The following XXYLT1 variants were observed in gnomAD, a reference collection of about 807,000 sequenced individuals.
XXYLT1 encodes UDP-xylose:alpha-xyloside alpha-1,3-xylosyltransferase.
XXYLT1 carries 20 observed loss-of-function variants against 28.9 expected under a neutral mutation model. That is an observed-to-expected ratio of 0.69 (90% CI 0.49 to 1.00). XXYLT1 has a LOEUF of 1.00. XXYLT1 is among the 50% of genes least tolerant of loss of function. The probability of loss-of-function intolerance (pLI) is 0.00; values close to 1 mark genes in which losing one functional copy is unlikely to be tolerated. For synonymous variants in XXYLT1, 257 were observed against 253.8 expected, an observed-to-expected ratio of 1.01 and a Z score of -0.12; for missense variants, 542 against 560.1, an observed-to-expected ratio of 0.97 and a Z score of 0.33.
rs991970504 is a variant in XXYLT1, at chr3:195,129,541, G to A, written c.785+26908C>T. On this transcript the variant is annotated intron_variant, in intron 3 of 3. Transcript: ENST00000310380. The surrounding 1 kb of genome is among the most constrained non-coding windows in gnomAD (Gnocchi z 4.4). ...CGTCTTAATGCTTTCAAGGTGCATC[G>A]TGCTGCGGCATGTATCAATTCTTCA... is the stretch of plus-strand genomic sequence containing the variant. Among the ~76,000 whole-genome samples, 1 of 152,102 alleles carries A rather than the reference G, an allele frequency of 6.6e-6. No individual in the cohort carries two copies. Among genetic ancestry groups the A allele is most frequent in the African/African-American group, 2.4e-5 (1 of 41,394 alleles).
At chr3:195,242,890 G>A (rs952760042) in intron 1 of XXYLT1, among the ~76,000 whole-genome samples, 3 of 152,108 alleles carry the variant, frequency 2.0e-5, no homozygotes, top group Admixed American at 6.6e-5. Flanking sequence ...GCTGGCATTC[G>A]CATATCAAAG....
intron 3 of XXYLT1, among the ~76,000 whole-genome samples, chr3:195,135,271 A>G (rs748224967): frequency 1.3e-5 from 2 of 152,176 alleles, no homozygotes; most frequent in Non-Finnish European, 2.9e-5. Flanking sequence ...AACAGAATCT[A>G]TAATGGTCTG....
At chr3:195,154,521 G>A (rs981207101) in intron 3 of XXYLT1, among the ~76,000 whole-genome samples, 3 of 152,138 alleles carry the variant, frequency 2.0e-5, no homozygotes, top group African/African-American at 4.8e-5. Context: ...GGTCTCTCTC[G>A]CAACAGAAAC....
intron 3 of XXYLT1, among the ~76,000 whole-genome samples, chr3:195,142,686 G>T (rs922845260): frequency 1.3e-5 from 2 of 152,248 alleles, no homozygotes; most frequent in African/African-American, 4.8e-5. Flanking sequence ...GCCCTCAATG[G>T]CACCGCCGAG....
At chr3:195,088,176 G>A (rs983658024) in intron 3 of XXYLT1, among the ~76,000 whole-genome samples, 9 of 151,774 alleles carry the variant, frequency 5.9e-5, no homozygotes, top group East Asian at 5.9e-4. Flanking sequence ...ACTGGGTGGA[G>A]CCCACCACAG....
At chr3:195,264,523 C>T (rs992469353) in intron 1 of XXYLT1, among the ~76,000 whole-genome samples, 1 of 144,154 alleles carries the variant, frequency 6.9e-6, no homozygotes, top group Non-Finnish European at 1.5e-5. Flanking sequence ...GACAACCACA[C>T]ACTTGCTATC....
At chr3:195,242,162 G>T (rs1334104054) in intron 1 of XXYLT1, among the ~76,000 whole-genome samples, 1 of 152,192 alleles carries the variant, frequency 6.6e-6, no homozygotes, top group South Asian at 2.1e-4. Flanking sequence ...GACACAGAAT[G>T]TTGCCCCGTG....
At chr3:195,231,733 C>T (rs541156999) in intron 1 of XXYLT1, among the ~76,000 whole-genome samples, 5 of 151,460 alleles carry the variant, frequency 3.3e-5, no homozygotes, top group African/African-American at 4.9e-5. Flanking sequence ...GGATAAATTC[C>T]ACTTGGTCAT....
intron 1 of XXYLT1, among the ~76,000 whole-genome samples, chr3:195,234,352 C>G (rs1362029050): frequency 1.7e-5 from 2 of 116,418 alleles, no homozygotes; most frequent in Non-Finnish European, 3.3e-5. Context: ...GAGTCTCACT[C>G]TGTCGCCCAG....
intron 2 of XXYLT1, among the ~76,000 whole-genome samples, chr3:195,218,704 T>C (rs1445082412): frequency 6.6e-6 from 1 of 151,028 alleles, no homozygotes; most frequent in African/African-American, 2.4e-5. Flanking sequence ...GGAACACTTT[T>C]ACACTGTTGG....
At chr3:195,156,366 C>T (rs1328119882) in intron 3 of XXYLT1, 83 bp downstream of exon 3, 5 of 1,559,146 alleles carry the variant, frequency 3.2e-6, no homozygotes, top group Non-Finnish European at 4.3e-6. Flanking sequence ...CCACTAAATC[C>T]CAATCTGTCA....
chr3:195,088,154 CG>C (rs371933614), intron 3 of XXYLT1, among the ~76,000 whole-genome samples: 21,180 of 151,270 alleles, frequency 0.14, 1,693 homozygotes, highest in Admixed American at 0.26. Flanking sequence ...ACAAAGCAGC[CG>C]GGAAGCTCGA....
Position 195,221,681 on chromosome 3 carries a change from G to A in XXYLT1, c.652+5028C>T, listed in dbSNP as rs926070419. On this transcript the variant is annotated intron_variant, in intron 2 of 3. Transcript: ENST00000310380. ...GCCTCAGGCCATGTGACCCAGGAGG[G>A]GGAAGCTGGCAGTCCTGGAGGAGTT... 7.9e-5 allele frequency among the ~76,000 whole-genome samples: 12 copies of A among 152,346 alleles called. No individual in the cohort carries two copies. The East Asian group carries it at 2.1e-3, about 27-fold the overall frequency.
intron 2 of XXYLT1, among the ~76,000 whole-genome samples, chr3:195,194,240 TTA>T (rs980215396): frequency 7.3e-5 from 11 of 150,596 alleles, no homozygotes; most frequent in Non-Finnish European, 1.0e-4. Context: ...AATATATATA[TTA>T]TATATATATA....
rs149276398 is a variant in XXYLT1, at chr3:195,115,675, C to T, written c.785+40774G>A. Among the ~76,000 whole-genome samples, 238 of 152,344 alleles carry T rather than the reference C, an allele frequency of 1.6e-3. No individual in the cohort carries two copies. The East Asian group carries it at 0.028, about 18-fold the overall frequency. On this transcript the variant is annotated intron_variant, in intron 3 of 3. Transcript: ENST00000310380. This position sits in a 1 kb window ranked among gnomAD's most constrained non-coding sequence, Gnocchi z 4.2. ...ATCTGGTGCGGAGCAGTAACCCCCT[C>T]GTCTGGCTCCGGCAGCACACCGTGT...
intron 1 of XXYLT1, among the ~76,000 whole-genome samples, chr3:195,237,656 C>G (rs192464637): frequency 2.6e-5 from 4 of 152,110 alleles, no homozygotes; most frequent in Admixed American, 2.6e-4. Context: ...ACCATAAAAA[C>G]CTTTTATGCC....
chr3:195,172,371 C>A (rs1286187480), intron 2 of XXYLT1, among the ~76,000 whole-genome samples: 2 of 152,314 alleles, frequency 1.3e-5, no homozygotes, highest in East Asian at 3.9e-4. Context: ...CACTGCTGAA[C>A]GTGAGCACGG....
Position 195,205,219 on chromosome 3 carries a change from C to T in XXYLT1, c.652+21490G>A, listed in dbSNP as rs181104719. Among the ~76,000 whole-genome samples, 77 of 152,288 alleles carry T rather than the reference C, an allele frequency of 5.1e-4. No individual in the cohort carries two copies. In the Middle Eastern group the frequency reaches 0.014, roughly 27 times the overall value. ...AGAGAAATAAAAATTTATGTCCATA[C>T]AACAAAATGCAGCTTTATGCATACT... On this transcript the variant is annotated intron_variant, in intron 2 of 3. Transcript: ENST00000310380.
chr3:195,252,442 T>G (rs1725294122), intron 1 of XXYLT1, among the ~76,000 whole-genome samples: 1 of 152,172 alleles, frequency 6.6e-6, no homozygotes, highest in African/African-American at 2.4e-5. Flanking sequence ...TTTGGCTTAT[T>G]TTAGAATTAA....
Sources: gnomAD v4.1 joint callset for allele counts (sites outside exome capture counted in the v4.1 genomes callset) on GRCh38, gnomAD v4.1.1 for gene constraint, Gnocchi (gnomAD v3.1) non-coding constraint, MANE v1.5 for transcripts, NCBI Gene and HGNC (gene_info 2026-07-23, HGNC 2026-07-21) for gene names.